THSD7A: variants seen among roughly 807,000 people sequenced by gnomAD.
THSD7A encodes the protein thrombospondin type-1 domain-containing protein 7A.
THSD7A carries 96 observed loss-of-function variants against 231.3 expected under a neutral mutation model. The ratio of observed to expected loss-of-function variants is 0.41; its 90% CI spans 0.35 to 0.49. The LOEUF is 0.49. Among genes scored for constraint, THSD7A ranks in the 20% least tolerant of loss-of-function variants. The pLI is 0.05. For synonymous variants in THSD7A, 940 were observed against 743.3 expected (o/e 1.26, Z -4.30); for missense variants, 2,290 against 2,070.2 (o/e 1.11, Z -2.06).
intron 1 of THSD7A, among the ~76,000 whole-genome samples, chr7:11,734,500 T>C (rs1462941933): frequency 6.6e-6 from 1 of 151,970 alleles, no homozygotes; most frequent in African/African-American, 2.4e-5. Context: ...CTCCAAAATA[T>C]CTGCCTTACG....
At chr7:11,768,266 A>G (rs923202984) in intron 1 of THSD7A, among the ~76,000 whole-genome samples, 1 of 152,198 alleles carries the variant, frequency 6.6e-6, no homozygotes, top group Admixed American at 6.5e-5. Context: ...CCAACAATAT[A>G]TCAGGATATA....
intron 1 of THSD7A, among the ~76,000 whole-genome samples, chr7:11,647,364 T>G (rs1487573868): frequency 6.6e-6 from 1 of 152,042 alleles, no homozygotes; most frequent in Non-Finnish European, 1.5e-5. Context: ...CTGAGAGTTT[T>G]AACCCGTATG....
At chr7:11,397,946 TTGG>T (rs1195830759) in intron 23 of THSD7A, among the ~76,000 whole-genome samples, 3 of 152,218 alleles carry the variant, frequency 2.0e-5, no homozygotes, top group Admixed American at 1.3e-4. Flanking sequence ...TTTTACACTG[TTGG>T]TGGGACTGTA....
At chr7:11,646,082 A>T (rs887544887) in intron 1 of THSD7A, among the ~76,000 whole-genome samples, 6 of 152,036 alleles carry the variant, frequency 3.9e-5, no homozygotes, top group Non-Finnish European at 7.4e-5. Flanking sequence ...TCCTAAATCA[A>T]TGTTTCCCTT....
intron 6 of THSD7A, among the ~76,000 whole-genome samples, chr7:11,496,646 C>T (rs1224413459): frequency 6.6e-6 from 1 of 152,118 alleles, no homozygotes; most frequent in East Asian, 1.9e-4. Flanking sequence ...CTTCCAAGGG[C>T]CAGGAGCCTG....
intron 7 of THSD7A, among the ~76,000 whole-genome samples, chr7:11,476,888 C>G (rs1489839731): frequency 6.6e-6 from 1 of 150,720 alleles, no homozygotes; most frequent in Non-Finnish European, 1.5e-5. Context: ...TAATTCTGAA[C>G]TAATTTCAAA....
At chr7:11,669,589 T>C (rs1526526) in intron 1 of THSD7A, among the ~76,000 whole-genome samples, 18,674 of 151,840 alleles carry the variant, frequency 0.12, 1,236 homozygotes, top group Admixed American at 0.16. Flanking sequence ...TTGGTTATGG[T>C]TTCCTTGTAA....
At chr7:11,823,291 C>A (rs541424607) in intron 1 of THSD7A, among the ~76,000 whole-genome samples, 2 of 151,922 alleles carry the variant, frequency 1.3e-5, no homozygotes, top group African/African-American at 4.8e-5. Flanking sequence ...CTGGGTAATC[C>A]ATTCTATTCC....
rs182406559 is a variant in THSD7A at position 11,627,508 on chromosome 7, T to C, written c.1022+8622A>G. 4.1e-4 allele frequency among the ~76,000 whole-genome samples: 63 copies of C among 152,182 alleles called. No homozygotes were observed. In the East Asian group the frequency reaches 0.011, roughly 27 times the overall value. On this transcript the variant is annotated intron_variant, in intron 2 of 27. Transcript: ENST00000423059. ...CAATATTTAACAATTTTTCATGAAA[T>C]CTTGGACCTGACATAATATAAATGC...
rs1442425677 is a variant in THSD7A at position 11,507,702 on chromosome 7, C to T, written c.1823-25720G>A. On this transcript the variant is annotated intron_variant, in intron 6 of 27. Transcript: ENST00000423059. ...CATATTTTTATAATGAGTAAATATT[C>T]TGAAAGTATTCATGTTTTCTGTTTA... Among the ~76,000 whole-genome samples, 12 of 150,434 alleles carry T rather than the reference C, an allele frequency of 8.0e-5. No homozygotes were observed. In the East Asian group the frequency reaches 2.3e-3, roughly 29 times the overall value.
chr7:11,427,834 C>G (rs1271283576), intron 14 of THSD7A, among the ~76,000 whole-genome samples: 2 of 152,096 alleles, frequency 1.3e-5, no homozygotes, highest in East Asian at 3.9e-4. Context: ...GCAAAATGCT[C>G]TGTGACATGG....
intron 23 of THSD7A, among the ~76,000 whole-genome samples, chr7:11,400,877 A>T (rs1218449138): frequency 6.6e-6 from 1 of 152,240 alleles, no homozygotes; most frequent in East Asian, 1.9e-4. Context: ...TTGTTTGTTG[A>T]GCCCCACACC....
At chr7:11,713,389 A>G (rs938700381) in intron 1 of THSD7A, among the ~76,000 whole-genome samples, 1 of 151,252 alleles carries the variant, frequency 6.6e-6, no homozygotes, top group African/African-American at 2.4e-5. Flanking sequence ...ATTAGTAACT[A>G]TCAGTTAAAA....
At chr7:11,550,630 G>A (rs574020564) in intron 4 of THSD7A, among the ~76,000 whole-genome samples, 3 of 152,206 alleles carry the variant, frequency 2.0e-5, no homozygotes, top group South Asian at 4.2e-4. Context: ...AGTTTCTTGA[G>A]GCCTTCCCAG....
intron 1 of THSD7A, among the ~76,000 whole-genome samples, chr7:11,703,047 T>C (rs1780653837): frequency 6.6e-6 from 1 of 151,200 alleles, no homozygotes. Context: ...TGCTCAAAGC[T>C]AAGTGGCTCT....
chr7:11,554,023 G>C (rs973461130), intron 4 of THSD7A, among the ~76,000 whole-genome samples: 16 of 151,920 alleles, frequency 1.1e-4, no homozygotes, highest in Admixed American at 7.2e-4. Flanking sequence ...ATTGTAATTT[G>C]ACAGCTTCTA....
At chr7:11,773,500 C>T (rs1273341331) in intron 1 of THSD7A, among the ~76,000 whole-genome samples, 1 of 151,944 alleles carries the variant, frequency 6.6e-6, no homozygotes, top group South Asian at 2.1e-4. Context: ...ATTGCAAACT[C>T]CAGCCTGAGC....
In THSD7A at chr7:11,401,930, AC is replaced by A; in HGVS notation, c.4275del (p.Cys1426ValfsTer3). ...CYLKDWSSWSLCQLTCVNGED... is the reference protein window; with the variant it reads ...CYLKDWSSWSXCQLTCVNGED... ...TCACCATTCACACAGGTCAGCTGAC[AC>A]AGGCTCCAGGAAGACCAGTCCTTCA... On this transcript the variant is annotated frameshift_variant, in exon 23 of 28. Transcript: ENST00000423059. LOFTEE classifies it high-confidence loss of function. 2 of 1,613,704 alleles carry A rather than the reference AC, an allele frequency of 1.2e-6. No homozygotes were observed. The highest frequency in any genetic ancestry group is 1.7e-6 in the Non-Finnish European group (2 of 1,179,768).
chr7:11,719,726 A>G (rs1178920491), intron 1 of THSD7A, among the ~76,000 whole-genome samples: 5 of 151,652 alleles, frequency 3.3e-5, no homozygotes, highest in Non-Finnish European at 7.4e-5. Flanking sequence ...TCAAAACTCT[A>G]TTCTTCTAGA....
Sources: gnomAD v4.1 joint callset for allele counts (sites outside exome capture counted in the v4.1 genomes callset) on GRCh38, gnomAD v4.1.1 for gene constraint, MANE v1.5 for transcripts, NCBI Gene and HGNC (gene_info 2026-07-23, HGNC 2026-07-21) for gene names.